Variants in FBXL17 observed in about 807,000 individuals in gnomAD.
FBXL17 encodes the protein F-box and leucine rich repeat protein 17.
In FBXL17, 22 loss-of-function variants were observed where a neutral mutation model predicts 66.2. The ratio of observed to expected loss-of-function variants is 0.33; its 90% CI spans 0.24 to 0.47. The LOEUF (loss-of-function observed/expected upper bound fraction) is 0.47, where lower values mean the gene tolerates loss of function less well. Ranked by LOEUF, FBXL17 falls within the 20% of genes least tolerant of loss-of-function variation. The probability of loss-of-function intolerance (pLI) is 1.00; values close to 1 mark genes in which losing one functional copy is unlikely to be tolerated. For missense variants in FBXL17, 878 were observed against 948.2 expected (o/e 0.93, Z 0.97); for synonymous variants, 474 against 400.5 (o/e 1.18, Z -2.19).
chr5:108,070,448 C>T (rs1031504562), intron 6 of FBXL17, among the ~76,000 whole-genome samples: 4 of 152,162 alleles, frequency 2.6e-5, no homozygotes, highest in Non-Finnish European at 4.4e-5. Context: ...AAATGAAAAC[C>T]GAAAAATTAT....
intron 5 of FBXL17, among the ~76,000 whole-genome samples, chr5:108,223,358 A>AG (rs1754956433): frequency 6.6e-6 from 1 of 152,196 alleles, no homozygotes; most frequent in Non-Finnish European, 1.5e-5. Flanking sequence ...AAATGAAGGA[A>AG]GGTTGAAGGA....
At chr5:108,127,469 C>T (rs1306196810) in intron 6 of FBXL17, among the ~76,000 whole-genome samples, 1 of 152,092 alleles carries the variant, frequency 6.6e-6, no homozygotes, top group Non-Finnish European at 1.5e-5. Flanking sequence ...ATAAAATGCA[C>T]AGTCAAATTG....
chr5:107,936,554 A>ATTTTTTTGTCCTACTT (rs1554050216), intron 7 of FBXL17, among the ~76,000 whole-genome samples: 4 of 152,036 alleles, frequency 2.6e-5, no homozygotes, highest in Admixed American at 1.3e-4. Flanking sequence ...TTTAACAACT[A>ATTTTTTTGTCCTACTT]TTCTTGAATT....
chr5:108,224,498 CCT>C (rs1315002395), intron 4 of FBXL17, among the ~76,000 whole-genome samples: 3 of 151,134 alleles, frequency 2.0e-5, no homozygotes, highest in African/African-American at 7.3e-5. Flanking sequence ...TTCTCCCCTC[CCT>C]CTGTGTGTGT....
chr5:108,131,013 CAT>C (rs1750913067), intron 6 of FBXL17, among the ~76,000 whole-genome samples: 1 of 151,990 alleles, frequency 6.6e-6, no homozygotes, highest in African/African-American at 2.4e-5. Context: ...ACTCAAGAAA[CAT>C]AGTTTTCATA....
At chr5:108,041,741 T>C (rs1161358901) in intron 6 of FBXL17, among the ~76,000 whole-genome samples, 1 of 152,084 alleles carries the variant, frequency 6.6e-6, no homozygotes, top group East Asian at 1.9e-4. Context: ...TAACCCCAAA[T>C]TCTCAAATTC....
At chr5:108,288,883 A>G (rs1256722855) in intron 4 of FBXL17, among the ~76,000 whole-genome samples, 2 of 152,160 alleles carry the variant, frequency 1.3e-5, no homozygotes, top group African/African-American at 4.8e-5. Context: ...CTACTTTTAA[A>G]AACACTTTTA....
chr5:108,234,034 G>C lies in FBXL17; in HGVS notation c.1507-9806C>G, dbSNP rs192329140. On this transcript the variant is annotated intron_variant, in intron 4 of 8. Transcript: ENST00000542267. ...TAGGCTTAGAAAAATGCAGAGTTGGGGGACAACAGTAATAGCGACTGTGGC... is the reference window on the plus strand; with the variant it reads ...TAGGCTTAGAAAAATGCAGAGTTGGCGGACAACAGTAATAGCGACTGTGGC... 2.9e-4 allele frequency among the ~76,000 whole-genome samples: 44 copies of C among 152,104 alleles called. No individual in the cohort carries two copies. In the South Asian group the frequency reaches 7.1e-3, roughly 24 times the overall value.
intron 7 of FBXL17, among the ~76,000 whole-genome samples, chr5:107,915,833 CCT>C (rs973998974): frequency 9.9e-5 from 15 of 152,148 alleles, no homozygotes; most frequent in African/African-American, 3.4e-4. Context: ...TGCTGTTCCC[CCT>C]GTCTGTGTTC....
chr5:108,041,469 A>G (rs1747044398), intron 6 of FBXL17, among the ~76,000 whole-genome samples: 1 of 152,036 alleles, frequency 6.6e-6, no homozygotes, highest in Non-Finnish European at 1.5e-5. Context: ...CAGGCCGGAG[A>G]GCAGTGGCGC....
intron 7 of FBXL17, among the ~76,000 whole-genome samples, chr5:107,924,802 C>T (rs1254422409): frequency 2.0e-5 from 3 of 152,134 alleles, no homozygotes; most frequent in Non-Finnish European, 4.4e-5. Context: ...TTCTCGAGAC[C>T]AGTTTAAGAA....
At chr5:108,218,122 C>T (rs1580635469) in intron 5 of FBXL17, among the ~76,000 whole-genome samples, 1 of 150,732 alleles carries the variant, frequency 6.6e-6, no homozygotes, top group African/African-American at 2.4e-5. Flanking sequence ...TCTCCTGCCT[C>T]AGCCTCCAGA....
At chr5:107,973,194 A>C (rs1752439169) in intron 7 of FBXL17, among the ~76,000 whole-genome samples, 1 of 152,188 alleles carries the variant, frequency 6.6e-6, no homozygotes, top group African/African-American at 2.4e-5. Context: ...AGAAGAGCTA[A>C]ACGTGCCTTA....
intron 6 of FBXL17, among the ~76,000 whole-genome samples, chr5:108,037,574 G>A (rs1746893615): frequency 6.6e-6 from 1 of 152,150 alleles, no homozygotes; most frequent in Non-Finnish European, 1.5e-5. Flanking sequence ...ATTCAGAAGT[G>A]GCAGTGGCTT....
Position 108,344,184 on chromosome 5 carries a change from G to A in FBXL17, c.1506+4215C>T, listed in dbSNP as rs548894761. 8.5e-5 allele frequency among the ~76,000 whole-genome samples: 13 copies of A among 152,104 alleles called. No individual in the cohort carries two copies. In the East Asian group the frequency reaches 1.9e-3, roughly 23 times the overall value. On this transcript the variant is annotated intron_variant, in intron 4 of 8. Coordinates refer to ENST00000542267, the MANE Select transcript of FBXL17 (RefSeq NM_001163315.3). Reference sequence around the variant, plus strand: ...AAATGCTTTCAGCCTAGGGGGTCGGGGGGGAAAGCCTGGAGAGGTGAATTT... The same window carrying A: ...AAATGCTTTCAGCCTAGGGGGTCGGAGGGGAAAGCCTGGAGAGGTGAATTT...
intron 6 of FBXL17, among the ~76,000 whole-genome samples, chr5:108,129,132 T>G (rs1030622621): frequency 5.3e-5 from 8 of 152,130 alleles, no homozygotes; most frequent in Non-Finnish European, 1.0e-4. Context: ...GTATTTTCTT[T>G]TGATGGTAAG....
rs569183541 is a variant in FBXL17 at position 108,050,150 on chromosome 5, C to A, written c.1746-29149G>T. 2.6e-5 allele frequency among the ~76,000 whole-genome samples: 4 copies of A among 152,336 alleles called. No individual in the cohort carries two copies. In the South Asian group the frequency reaches 8.3e-4, roughly 32 times the overall value. The stretch of plus-strand genomic sequence containing the variant: ...ACACAATAATAATGGGAGGCTTTAA[C>A]AACCCTCTGTCAATATTAGATAGAT... On this transcript the variant is annotated intron_variant, in intron 6 of 8. Coordinates refer to ENST00000542267, the MANE Select transcript of FBXL17 (RefSeq NM_001163315.3).
chr5:108,276,771 G>GA (rs907736470), intron 4 of FBXL17, among the ~76,000 whole-genome samples: 2 of 151,726 alleles, frequency 1.3e-5, no homozygotes, highest in African/African-American at 4.8e-5. Context: ...GACCACTCAA[G>GA]AAAAAAAATT....
intron 6 of FBXL17, among the ~76,000 whole-genome samples, chr5:108,094,974 T>C (rs1749316892): frequency 6.6e-6 from 1 of 152,030 alleles, no homozygotes; most frequent in African/African-American, 2.4e-5. Flanking sequence ...TCAAAATTGG[T>C]AGGGAAGCAA....
Sources: gnomAD v4.1 joint callset for allele counts (sites outside exome capture counted in the v4.1 genomes callset) on GRCh38, gnomAD v4.1.1 for gene constraint, MANE v1.5 for transcripts, NCBI Gene and HGNC (gene_info 2026-07-23, HGNC 2026-07-21) for gene names.